The following CRIM1 variants were observed in gnomAD, a reference collection of about 807,000 sequenced individuals.
CRIM1 encodes the protein cysteine-rich motor neuron 1 protein.
A neutral mutation model predicts 116.4 loss-of-function variants in CRIM1; 32 were observed. That is an observed-to-expected ratio of 0.27 (90% confidence interval 0.21 to 0.37). CRIM1 has a LOEUF of 0.37. Ranked by LOEUF, CRIM1 falls within the 10% of genes least tolerant of loss-of-function variation. The pLI, the probability that CRIM1 is intolerant of heterozygous loss-of-function variation, is 1.00. For synonymous variants in CRIM1, 590 were observed against 509.2 expected (o/e 1.16, Z -2.13); for missense variants, 1,331 against 1,354.8 (o/e 0.98, Z 0.28).
chr2:36,474,293 G>A (rs753112525), intron 5 of CRIM1, among the ~76,000 whole-genome samples: 2 of 151,976 alleles, frequency 1.3e-5, no homozygotes, highest in South Asian at 4.2e-4. Context: ...TTACCTTTTT[G>A]ATGGTGTCCT....
intron 2 of CRIM1, among the ~76,000 whole-genome samples, chr2:36,408,376 C>T (rs1047783246): frequency 5.3e-5 from 8 of 152,180 alleles, no homozygotes; most frequent in African/African-American, 7.2e-5. Flanking sequence ...CAGGGCTCGG[C>T]GTGTGCTCTG....
intron 13 of CRIM1, among the ~76,000 whole-genome samples, chr2:36,530,032 A>G (rs1666007380): frequency 6.6e-6 from 1 of 152,212 alleles, no homozygotes; most frequent in Non-Finnish European, 1.5e-5. Context: ...GATTAAGATC[A>G]GATTTTTTTT....
chr2:36,394,403 G>A (rs1378900851), intron 1 of CRIM1, among the ~76,000 whole-genome samples: 1 of 152,108 alleles, frequency 6.6e-6, no homozygotes, highest in Non-Finnish European at 1.5e-5. Flanking sequence ...AAACAGATAA[G>A]AAATCACTTG....
At chr2:36,366,668 G>A (rs3770957) in intron 1 of CRIM1, among the ~76,000 whole-genome samples, 29,087 of 152,104 alleles carry the variant, frequency 0.19, 2,854 homozygotes, top group Admixed American at 0.26. Context: ...GGAATTTCTG[G>A]CAGGGCAGAA....
intron 2 of CRIM1, among the ~76,000 whole-genome samples, chr2:36,435,629 G>A (rs1363252102): frequency 5.4e-5 from 8 of 148,970 alleles, no homozygotes; most frequent in African/African-American, 2.0e-4. Context: ...CGCAGTTTTT[G>A]TCATTACTTT....
At chr2:36,424,233 T>C (rs948435106) in intron 2 of CRIM1, among the ~76,000 whole-genome samples, 3 of 152,138 alleles carry the variant, frequency 2.0e-5, no homozygotes, top group African/African-American at 7.2e-5. Context: ...TCTACGAAAA[T>C]AGACTGAGAG....
rs73924835 is a variant in CRIM1, at chr2:36,442,133, G to A, written c.749-482G>A. On this transcript the variant is annotated intron_variant, in intron 3 of 16. Coordinates refer to ENST00000280527, the MANE Select transcript of CRIM1 (RefSeq NM_016441.3). ...TATTTCTAACATCCTTGCTCTTGTGGCAGCATTTCCGATGTGGTCTGTGAA... is the reference window on the plus strand; with the variant it reads ...TATTTCTAACATCCTTGCTCTTGTGACAGCATTTCCGATGTGGTCTGTGAA... Among the ~76,000 whole-genome samples the A allele has an allele frequency of 8.8e-3, 1,338 of 152,210 alleles. 18 individuals are homozygous for A. Among genetic ancestry groups the A allele is most frequent in the African/African-American group, 0.031 (1,294 of 41,524 alleles).
At position 36,356,357 on chromosome 2, in the gene CRIM1, G is replaced by GGCTGCT. The variant is rs762172127; in HGVS notation, c.76_81dup (p.Leu26_Leu27dup). 6.9e-6 allele frequency: 11 copies of GGCTGCT among 1,592,520 alleles called. No homozygotes were observed. The highest frequency in any genetic ancestry group is 4.0e-5 in the African/African-American group (3 of 74,530). ...GGGCACCTCCTGGTCTCGCTGCTGG[G>GGCTGCT]GCTGCTGCTGCTGCTGGCGCGCTCC... On this transcript the variant is annotated inframe_insertion, in exon 1 of 17. Coordinates refer to ENST00000280527, the MANE Select transcript of CRIM1 (RefSeq NM_016441.3). The surrounding 1 kb of genome is among the most constrained non-coding windows in gnomAD (Gnocchi z 4.3).
At chr2:36,459,736 G>A (rs1428673387) in intron 4 of CRIM1, among the ~76,000 whole-genome samples, 1 of 152,164 alleles carries the variant, frequency 6.6e-6, no homozygotes, top group African/African-American at 2.4e-5. Context: ...GACATGAGCT[G>A]TGGCTGGAGT....
chr2:36,500,183 T>A (rs1486890067), intron 8 of CRIM1, among the ~76,000 whole-genome samples: 1 of 151,604 alleles, frequency 6.6e-6, no homozygotes, highest in Non-Finnish European at 1.5e-5. Flanking sequence ...CAAAAAAAAA[T>A]AGCTAAGCAT....
intron 13 of CRIM1, among the ~76,000 whole-genome samples, chr2:36,524,293 C>A (rs1193118796): frequency 7.2e-5 from 11 of 152,158 alleles, no homozygotes. Flanking sequence ...GTGCTACTTA[C>A]CTTTTCAAAG....
chr2:36,540,176 G>A (rs1666852263), intron 14 of CRIM1, among the ~76,000 whole-genome samples: 1 of 152,170 alleles, frequency 6.6e-6, no homozygotes, highest in Admixed American at 6.5e-5. Context: ...GCCACTGTTA[G>A]CCACGTAAGA....
chr2:36,494,091 A>G (rs992920023), intron 7 of CRIM1, among the ~76,000 whole-genome samples: 1 of 152,208 alleles, frequency 6.6e-6, no homozygotes, highest in Non-Finnish European at 1.5e-5. Flanking sequence ...TGTTTGCTTA[A>G]CACATTTATA....
rs993135363 is a variant in CRIM1, at chr2:36,549,790, A to ACTAT, written c.*1092_*1095dup. On this transcript the variant is annotated 3_prime_UTR_variant, in exon 17 of 17. Transcript: ENST00000280527. ...TAGCAATTATAGGAGTATTTATGTA[A>ACTAT]CTATCTTATGCTTCAAAAAACAAAA... 25 of 152,022 alleles carry ACTAT rather than the reference A, an allele frequency of 1.6e-4. No individual in the cohort carries two copies. The highest frequency in any genetic ancestry group is 5.1e-4 in the African/African-American group (21 of 41,332). 9.4% of individuals were successfully genotyped at this position (152,022 alleles called of 1,614,324 possible).
At chr2:36,438,783 T>G (rs1212980052) in intron 2 of CRIM1, among the ~76,000 whole-genome samples, 1 of 152,194 alleles carries the variant, frequency 6.6e-6, no homozygotes, top group Non-Finnish European at 1.5e-5. Flanking sequence ...TAGTGATTCC[T>G]GAGACAGGAG....
chr2:36,486,669 A>G (rs1679841042), intron 7 of CRIM1, among the ~76,000 whole-genome samples: 3 of 152,090 alleles, frequency 2.0e-5, no homozygotes, highest in Admixed American at 1.3e-4. Context: ...CCCATACCTA[A>G]AAGGGTATTA....
intron 7 of CRIM1, among the ~76,000 whole-genome samples, chr2:36,489,603 C>G (rs1680079636): frequency 6.6e-6 from 1 of 152,174 alleles, no homozygotes; most frequent in Non-Finnish European, 1.5e-5. Context: ...GTTGAATTTT[C>G]TCTTACTGTT....
intron 2 of CRIM1, among the ~76,000 whole-genome samples, chr2:36,428,330 TC>T (rs1674616969): frequency 6.6e-6 from 1 of 152,264 alleles, no homozygotes; most frequent in Non-Finnish European, 1.5e-5. Context: ...AGACAACTTT[TC>T]TTCTCCTTTG....
chr2:36,515,128 A>C (rs1209543918), intron 11 of CRIM1, among the ~76,000 whole-genome samples: 2 of 152,236 alleles, frequency 1.3e-5, no homozygotes, highest in Non-Finnish European at 2.9e-5. Context: ...GTTTGCATGA[A>C]GACCCCTGCT....
Sources: gnomAD v4.1 joint callset for allele counts (sites outside exome capture counted in the v4.1 genomes callset) on GRCh38, gnomAD v4.1.1 for gene constraint, Gnocchi (gnomAD v3.1) non-coding constraint, MANE v1.5 for transcripts, NCBI Gene and HGNC (gene_info 2026-07-23, HGNC 2026-07-21) for gene names.